The following FRMD4A variants were observed in gnomAD, a reference collection of about 807,000 sequenced individuals.
FRMD4A encodes the protein FERM domain-containing protein 4A.
FRMD4A carries 29 observed loss-of-function variants against 129.1 expected under a neutral mutation model. The ratio of observed to expected loss-of-function variants is 0.22; its 90% CI spans 0.17 to 0.31. The LOEUF is 0.31. FRMD4A is among the 10% of genes least tolerant of loss of function. The probability of loss-of-function intolerance (pLI) is 1.00; values close to 1 mark genes in which losing one functional copy is unlikely to be tolerated. For synonymous variants in FRMD4A, 634 were observed against 571.6 expected, an observed-to-expected ratio of 1.11 and a Z score of -1.56; for missense variants, 1,272 against 1,375.8, an observed-to-expected ratio of 0.92 and a Z score of 1.19.
chr10:14,050,207 A>G (rs1413921158), intron 2 of FRMD4A, among the ~76,000 whole-genome samples: 1 of 152,224 alleles, frequency 6.6e-6, no homozygotes, highest in African/African-American at 2.4e-5. Flanking sequence ...GAAAGCAAAG[A>G]CACATTAAGC....
intron 2 of FRMD4A, among the ~76,000 whole-genome samples, chr10:14,084,087 C>T (rs1349511283): frequency 1.3e-5 from 2 of 152,208 alleles, no homozygotes; most frequent in Admixed American, 1.3e-4. Flanking sequence ...AAAGCACTCA[C>T]AGCCCTGACT....
In FRMD4A at chr10:14,294,730, G is replaced by A. The variant is rs188147330; in HGVS notation, c.45+35328C>T. On this transcript the variant is annotated intron_variant, in intron 2 of 24. Coordinates refer to ENST00000357447, the MANE Select transcript of FRMD4A (RefSeq NM_018027.5). ...GGTCACTAAAGCCTAAATCCGCTCAGCAAGATTCGCTACCACGATCTTCTA... is the reference window on the plus strand; with the variant it reads ...GGTCACTAAAGCCTAAATCCGCTCAACAAGATTCGCTACCACGATCTTCTA... Among the ~76,000 whole-genome samples, 52 of 152,322 alleles carry A rather than the reference G, an allele frequency of 3.4e-4. No individual in the cohort carries two copies. The Middle Eastern group carries it at 0.034, about 100-fold the overall frequency.
chr10:14,251,559 T>A (rs907739781), intron 2 of FRMD4A, among the ~76,000 whole-genome samples: 1 of 152,214 alleles, frequency 6.6e-6, no homozygotes, highest in African/African-American at 2.4e-5. Flanking sequence ...AGATACTAAA[T>A]GACTGTTATC....
At chr10:13,762,877 G>A (rs534372302) in intron 6 of FRMD4A, among the ~76,000 whole-genome samples, 197 bp from the exon 7 acceptor site, 4 of 152,266 alleles carry the variant, frequency 2.6e-5, no homozygotes, top group South Asian at 4.1e-4. Context: ...GTCTGTAGAC[G>A]CAGCTGTTTT....
chr10:14,161,875 C>T (rs964907849), intron 2 of FRMD4A, among the ~76,000 whole-genome samples: 1 of 152,024 alleles, frequency 6.6e-6, no homozygotes, highest in Admixed American at 6.6e-5. Flanking sequence ...CTGATTTGAT[C>T]ATTACACATT....
rs146535361 is a variant in FRMD4A, at chr10:13,800,712, G to A, written c.207-4124C>T. On this transcript the variant is annotated intron_variant, in intron 4 of 24. Transcript: ENST00000357447. ...ATGAACTTCAAGGTGGGGACATGTC[G>A]CATGAAGGGACACAGACAGATGTCA... is the stretch of plus-strand genomic sequence containing the variant. 4.2e-3 allele frequency among the ~76,000 whole-genome samples: 641 copies of A among 152,280 alleles called. 13 individuals are homozygous for A. The highest frequency in any genetic ancestry group is 0.014 in the African/African-American group (594 of 41,550).
intron 3 of FRMD4A, among the ~76,000 whole-genome samples, chr10:13,813,628 T>A (rs1472939228): frequency 6.6e-6 from 1 of 152,210 alleles, no homozygotes; most frequent in Non-Finnish European, 1.5e-5. Flanking sequence ...TGGCCTACAG[T>A]TGGGCAAAAT....
chr10:13,910,054 A>G lies in FRMD4A; in HGVS notation c.46-51142T>C, dbSNP rs141059525. 2.9e-3 allele frequency among the ~76,000 whole-genome samples: 446 copies of G among 152,340 alleles called. 5 individuals carry two copies. The highest frequency in any genetic ancestry group is 0.01 in the African/African-American group (425 of 41,568). On this transcript the variant is annotated intron_variant, in intron 2 of 24. Coordinates refer to ENST00000357447, the MANE Select transcript of FRMD4A (RefSeq NM_018027.5). ...TGAAACATTGTAAAAAATGGCCACT[A>G]TCTCTCACTCCTTCCTGTTTCACGG...
intron 2 of FRMD4A, among the ~76,000 whole-genome samples, chr10:13,864,153 G>C (rs968515915): frequency 1.3e-5 from 2 of 151,492 alleles, no homozygotes; most frequent in Non-Finnish European, 2.9e-5. Context: ...CTGCCAACAC[G>C]CTCCTGTAAT....
At chr10:14,000,646 C>CAAAAAAA (rs11377448) in intron 2 of FRMD4A, among the ~76,000 whole-genome samples, 739 of 43,448 alleles carry the variant, frequency 0.017, 79 homozygotes, top group African/African-American at 0.033. Context: ...GACGCCACCT[C>CAAAAAAA]AAAAAAAAAA....
At chr10:13,663,374 G>T in intron 19 of FRMD4A, 79 bp downstream of exon 19, 3 of 831,204 alleles carry the variant, frequency 3.6e-6, no homozygotes, top group Middle Eastern at 2.2e-4. Flanking sequence ...TTTACACAAG[G>T]CAATCCCCAG....
intron 2 of FRMD4A, among the ~76,000 whole-genome samples, chr10:14,251,763 G>C (rs907789233): frequency 6.6e-6 from 1 of 152,128 alleles, no homozygotes; most frequent in Non-Finnish European, 1.5e-5. Flanking sequence ...CTCCAACACT[G>C]ATCAGGATGA....
At chr10:14,215,646 G>A (rs1484818778) in intron 2 of FRMD4A, among the ~76,000 whole-genome samples, 2 of 152,094 alleles carry the variant, frequency 1.3e-5, no homozygotes, top group African/African-American at 2.4e-5. Context: ...GTGGCAAGGT[G>A]TTCAGCTGTT....
At chr10:13,728,138 C>T (rs1055241970) in intron 12 of FRMD4A, among the ~76,000 whole-genome samples, 5 of 152,154 alleles carry the variant, frequency 3.3e-5, no homozygotes, top group African/African-American at 1.2e-4. Flanking sequence ...TCTAGGAATA[C>T]AGAGGGTGCT....
intron 8 of FRMD4A, among the ~76,000 whole-genome samples, chr10:13,748,207 G>A (rs751175866): frequency 6.6e-5 from 10 of 152,118 alleles, no homozygotes; most frequent in Non-Finnish European, 2.9e-5. Flanking sequence ...CCAGAACCCC[G>A]CCGTTAGGCT....
intron 12 of FRMD4A, among the ~76,000 whole-genome samples, chr10:13,711,585 G>A (rs576678177): frequency 3.3e-5 from 5 of 152,344 alleles, no homozygotes; most frequent in South Asian, 4.1e-4. Flanking sequence ...TTTGTGTAAC[G>A]CCTATGGCCA....
chr10:13,981,137 T>A (rs945212750), intron 2 of FRMD4A, among the ~76,000 whole-genome samples: 2 of 152,144 alleles, frequency 1.3e-5, no homozygotes, highest in African/African-American at 4.8e-5. Flanking sequence ...CTGTAGGTAG[T>A]GTGGTGTGTT....
intron 2 of FRMD4A, among the ~76,000 whole-genome samples, chr10:14,283,393 T>C (rs1180935168): frequency 6.6e-6 from 1 of 152,176 alleles, no homozygotes; most frequent in Non-Finnish European, 1.5e-5. Context: ...AGAAACTACA[T>C]AACAGACCTA....
At chr10:13,884,738 A>G (rs1476228385) in intron 2 of FRMD4A, among the ~76,000 whole-genome samples, 3 of 152,132 alleles carry the variant, frequency 2.0e-5, no homozygotes, top group Admixed American at 6.5e-5. Flanking sequence ...AGAAGACTCT[A>G]TTACATCCTG....
Sources: gnomAD v4.1 joint callset for allele counts (sites outside exome capture counted in the v4.1 genomes callset) on GRCh38, gnomAD v4.1.1 for gene constraint, MANE v1.5 for transcripts, NCBI Gene and HGNC (gene_info 2026-07-23, HGNC 2026-07-21) for gene names.